The following GRM7 variants were observed in gnomAD, a reference collection of about 807,000 sequenced individuals.
GRM7 encodes glutamate metabotropic receptor 7, also known as metabotropic glutamate receptor 7.
Under a neutral mutation model 84.5 loss-of-function variants are expected in GRM7, and 35 were observed. The observed-to-expected ratio is 0.41, with a 90% CI of 0.32 to 0.55. The LOEUF (loss-of-function observed/expected upper bound fraction) is 0.55, where lower values mean the gene tolerates loss of function less well. Ranked by LOEUF, GRM7 falls within the 20% of genes least tolerant of loss-of-function variation. The pLI, the probability that GRM7 is intolerant of heterozygous loss-of-function variation, is 0.19. For missense variants in GRM7, 1,003 were observed against 1,194.6 expected (o/e 0.84, Z 2.36); for synonymous variants, 487 against 455.1 (o/e 1.07, Z -0.89).
At chr3:6,975,254 C>G (rs571414678) in intron 1 of GRM7, among the ~76,000 whole-genome samples, 1 of 152,082 alleles carries the variant, frequency 6.6e-6, no homozygotes, top group South Asian at 2.1e-4. Context: ...AAAGAAGAAG[C>G]GAGAAATGGT....
At chr3:6,975,708 G>A (rs1274756984) in intron 1 of GRM7, among the ~76,000 whole-genome samples, 2 of 152,024 alleles carry the variant, frequency 1.3e-5, no homozygotes, top group Non-Finnish European at 1.5e-5. Context: ...TTATTTTGCT[G>A]TTGTTTGTTT....
rs1255365295 is a variant in GRM7, at chr3:7,740,964, C to T, written c.*558C>T. 2 of 151,968 alleles carry T rather than the reference C, an allele frequency of 1.3e-5. No individual in the cohort carries two copies. Among genetic ancestry groups the T allele is most frequent in the East Asian group, 1.9e-4 (1 of 5,170 alleles). The allele number at this position is 151,968 out of a possible 1,614,324, so 9.4% of individuals were successfully genotyped here. On this transcript the variant is annotated 3_prime_UTR_variant, in exon 10 of 10. Transcript: ENST00000357716. ...GCAGACTAAAACAAGTACATCTGTA[C>T]ATGACTGTATAATTACGATTATAGT...
intron 2 of GRM7, among the ~76,000 whole-genome samples, chr3:7,251,206 T>G (rs1697972165): frequency 6.6e-6 from 1 of 152,152 alleles, no homozygotes; most frequent in Non-Finnish European, 1.5e-5. Context: ...TAGCCATGGT[T>G]GATGCAGTTC....
intron 1 of GRM7, among the ~76,000 whole-genome samples, chr3:7,065,359 G>T (rs138352454): frequency 5.9e-5 from 9 of 151,682 alleles, no homozygotes; most frequent in African/African-American, 2.2e-4. Flanking sequence ...CTTGAATTGA[G>T]TTTTGTATAA....
chr3:6,938,291 A>AT (rs994708431), intron 1 of GRM7, among the ~76,000 whole-genome samples: 1 of 152,206 alleles, frequency 6.6e-6, no homozygotes, highest in South Asian at 2.1e-4. Flanking sequence ...TCATAAACAC[A>AT]TTTGACAAAT....
At chr3:7,482,292 TC>T (rs1374101558) in intron 7 of GRM7, among the ~76,000 whole-genome samples, 5 of 152,162 alleles carry the variant, frequency 3.3e-5, no homozygotes, top group Admixed American at 6.5e-5. Context: ...TGCGTCTCAA[TC>T]CCATAGACAT....
At chr3:7,507,767 T>C (rs1700081543) in intron 7 of GRM7, among the ~76,000 whole-genome samples, 1 of 152,242 alleles carries the variant, frequency 6.6e-6, no homozygotes, top group Non-Finnish European at 1.5e-5. Context: ...ATTTTATTTC[T>C]CTTTTAAATA....
At chr3:7,169,911 A>G (rs945660887) in intron 2 of GRM7, among the ~76,000 whole-genome samples, 2 of 152,212 alleles carry the variant, frequency 1.3e-5, no homozygotes, top group Non-Finnish European at 2.9e-5. Flanking sequence ...AAATATTAAA[A>G]ATAGAGGTAT....
At chr3:7,146,382 G>C (rs1694110924) in intron 1 of GRM7, 70 bp from the exon 2 acceptor site, 1 of 1,186,168 alleles carries the variant, frequency 8.4e-7, no homozygotes, top group Admixed American at 1.7e-5. Flanking sequence ...TAAGTAAACT[G>C]TCATAAGTAT....
intron 1 of GRM7, among the ~76,000 whole-genome samples, chr3:6,999,546 T>C (rs1694940137): frequency 6.6e-6 from 1 of 152,288 alleles, no homozygotes; most frequent in African/African-American, 2.4e-5. Flanking sequence ...ATTTACTTTG[T>C]CCATTCTCAT....
intron 2 of GRM7, among the ~76,000 whole-genome samples, chr3:7,153,889 G>A (rs997158348): frequency 6.6e-6 from 1 of 152,084 alleles, no homozygotes; most frequent in African/African-American, 2.4e-5. Context: ...CCTGGTTAGG[G>A]CATACTACAA....
chr3:7,144,145 A>G (rs763617509), intron 1 of GRM7, among the ~76,000 whole-genome samples: 2 of 152,284 alleles, frequency 1.3e-5, no homozygotes, highest in South Asian at 2.1e-4. Context: ...CCATTAATCT[A>G]CTGGCCTTCC....
At chr3:6,927,342 T>G (rs1267756704) in intron 1 of GRM7, among the ~76,000 whole-genome samples, 1 of 151,662 alleles carries the variant, frequency 6.6e-6, no homozygotes, top group Non-Finnish European at 1.5e-5. Context: ...GCAGGAGAAG[T>G]GCTTAAACTC....
chr3:7,569,018 C>T (rs1480091365), intron 7 of GRM7, among the ~76,000 whole-genome samples: 2 of 152,182 alleles, frequency 1.3e-5, no homozygotes, highest in African/African-American at 4.8e-5. Context: ...CACCTGCGCC[C>T]CTGTGTGGGA....
chr3:7,468,755 T>C (rs1221905719), intron 7 of GRM7, among the ~76,000 whole-genome samples: 1 of 152,056 alleles, frequency 6.6e-6, no homozygotes, highest in Non-Finnish European at 1.5e-5. Context: ...GAGTGAGTTT[T>C]CATGAGATCT....
chr3:7,732,703 G>A (rs1241647885), intron 9 of GRM7, among the ~76,000 whole-genome samples: 2 of 152,168 alleles, frequency 1.3e-5, no homozygotes, highest in Non-Finnish European at 2.9e-5. Flanking sequence ...ATTCTGACTT[G>A]TTCATTCTTC....
At chr3:7,046,421 G>A (rs1036592681) in intron 1 of GRM7, among the ~76,000 whole-genome samples, 3 of 152,036 alleles carry the variant, frequency 2.0e-5, no homozygotes, top group Non-Finnish European at 2.9e-5. Flanking sequence ...TCTTCAACAT[G>A]GAAAACCACA....
At chr3:7,638,187 ATAAAT>A (rs1412417926) in intron 8 of GRM7, among the ~76,000 whole-genome samples, 1 of 151,724 alleles carries the variant, frequency 6.6e-6, no homozygotes, top group East Asian at 1.9e-4. Flanking sequence ...TTCCAGAATC[ATAAAT>A]TAATCTTTGC....
chr3:7,671,519 G>T (rs1699918917), intron 8 of GRM7, among the ~76,000 whole-genome samples: 1 of 151,524 alleles, frequency 6.6e-6, no homozygotes, highest in Non-Finnish European at 1.5e-5. Context: ...ATGCAGTTGT[G>T]TGTAGCCTTA....
Sources: gnomAD v4.1 joint callset for allele counts (sites outside exome capture counted in the v4.1 genomes callset) on GRCh38, gnomAD v4.1.1 for gene constraint, MANE v1.5 for transcripts, NCBI Gene and HGNC (gene_info 2026-07-23, HGNC 2026-07-21) for gene names.